The following PPFIA2 variants were observed in gnomAD, a reference collection of about 807,000 sequenced individuals.
The protein encoded by PPFIA2 is liprin-alpha-2.
In PPFIA2, 46 loss-of-function variants were observed where a neutral mutation model predicts 175.5. The ratio of observed to expected loss-of-function variants is 0.26; its 90% CI spans 0.21 to 0.34. The LOEUF (loss-of-function observed/expected upper bound fraction) is 0.34, where lower values mean the gene tolerates loss of function less well. Among genes scored for constraint, PPFIA2 ranks in the 10% least tolerant of loss-of-function variants. The pLI is 1.00. For missense variants in PPFIA2, 1,179 were observed against 1,506.1 expected, an observed-to-expected ratio of 0.78 and a Z score of 3.60; for synonymous variants, 568 against 511.4, an observed-to-expected ratio of 1.11 and a Z score of -1.49.
In PPFIA2 at chr12:81,374,623, T is replaced by A. The variant is rs762143403; in HGVS notation, c.1266+11A>T. ...ATATATCTAGGTTGACCAGTTGTTC[T>A]AGTGCAGTACCTTGGTTAGGGCTGC... is the stretch of plus-strand genomic sequence containing the variant. On this transcript the variant is annotated intron_variant, in intron 11 of 32. Coordinates refer to ENST00000549396, the MANE Select transcript of PPFIA2 (RefSeq NM_003625.5). 6.2e-7 allele frequency: 1 copy of A among 1,601,334 alleles called. No individual in the cohort carries two copies. Among genetic ancestry groups the A allele is most frequent in the East Asian group, 2.2e-5 (1 of 44,722 alleles).
chr12:81,401,169 CA>C (rs1252203834), intron 8 of PPFIA2, among the ~76,000 whole-genome samples: 2 of 152,058 alleles, frequency 1.3e-5, no homozygotes, highest in African/African-American at 4.8e-5. Context: ...GTCTTATCAT[CA>C]TTATATTCCT....
chr12:81,537,310 C>T (rs947465592), intron 4 of PPFIA2, among the ~76,000 whole-genome samples: 1 of 151,714 alleles, frequency 6.6e-6, no homozygotes, highest in Non-Finnish European at 1.5e-5. Flanking sequence ...TCCCCACTGG[C>T]AATGGAGACA....
At position 81,758,504 on chromosome 12, in the gene PPFIA2, T is replaced by C. The variant is rs2153672037; in HGVS notation, c.-107A>G. The stretch of plus-strand genomic sequence containing the variant: ...CTCACACCCAGCACTCCTGGACCAT[T>C]TCCCTAGCAACGGGAGGAGAAAGGC... On this transcript the variant is annotated 5_prime_UTR_variant, in exon 2 of 33. Transcript: ENST00000549396. 2.2e-6 allele frequency: 1 copy of C among 450,142 alleles called. No individual in the cohort carries two copies. Among genetic ancestry groups the C allele is most frequent in the African/African-American group, 2.0e-5 (1 of 50,050 alleles). 27.9% of individuals were successfully genotyped at this position (450,142 alleles called of 1,614,324 possible). A position where few individuals can be genotyped will look rare whatever the true frequency, so the allele number is the denominator to read the frequency against.
chr12:81,360,247 C>A (rs563141443), intron 15 of PPFIA2, among the ~76,000 whole-genome samples: 1 of 151,872 alleles, frequency 6.6e-6, no homozygotes, highest in South Asian at 2.1e-4. Context: ...ATTTTTAAAT[C>A]ATTCTAGGTG....
chr12:81,376,002 T>C (rs1007974619), intron 9 of PPFIA2, 60 bp from the exon 10 acceptor site: 109 of 1,418,776 alleles, frequency 7.7e-5, no homozygotes, highest in Non-Finnish European at 1.1e-4. Context: ...AATTATTGTC[T>C]TGTTAGTTAA....
At chr12:81,746,074 A>T (rs931442354) in intron 3 of PPFIA2, among the ~76,000 whole-genome samples, 4 of 144,698 alleles carry the variant, frequency 2.8e-5, no homozygotes, top group African/African-American at 7.3e-5. Flanking sequence ...CCTGCAAATA[A>T]AGTCTTGTGC....
chr12:81,332,343 G>A (rs1036888005), intron 21 of PPFIA2, among the ~76,000 whole-genome samples: 4 of 151,938 alleles, frequency 2.6e-5, no homozygotes, highest in South Asian at 4.2e-4. Flanking sequence ...CACAGAAAAC[G>A]CCATTTCCAT....
chr12:81,480,038 G>T (rs1053440369), intron 4 of PPFIA2, among the ~76,000 whole-genome samples: 1 of 152,070 alleles, frequency 6.6e-6, no homozygotes, highest in Non-Finnish European at 1.5e-5. Context: ...TCACTTTCAG[G>T]TACACCAATC....
In PPFIA2 at chr12:81,637,347, G is replaced by A. The variant is rs560458411; in HGVS notation, c.303+39444C>T. Among the ~76,000 whole-genome samples, 93 of 136,312 alleles carry A rather than the reference G, an allele frequency of 6.8e-4. 1 individual carries two copies. The highest frequency in any genetic ancestry group is 1.0e-3 in the Non-Finnish European group (67 of 65,204). 89.4% of individuals were successfully genotyped at this position (136,312 alleles called of 152,430 possible). The stretch of plus-strand genomic sequence containing the variant: ...CCGAACTCCCAACCTCAGGTGTTCC[G>A]CCCGCCTCGGCCTCCCAAACTGCTG... On this transcript the variant is annotated intron_variant, in intron 4 of 32. Transcript: ENST00000549396.
At chr12:81,297,472 AAAGAAGGGG>A (rs1040432209) in intron 23 of PPFIA2, among the ~76,000 whole-genome samples, 1 of 152,202 alleles carries the variant, frequency 6.6e-6, no homozygotes, top group Non-Finnish European at 1.5e-5. Context: ...AGATAAGAGA[AAAGAAGGGG>A]AAGATCTAAG....
intron 4 of PPFIA2, among the ~76,000 whole-genome samples, chr12:81,601,181 T>C (rs2059754085): frequency 6.6e-6 from 1 of 151,996 alleles, no homozygotes; most frequent in Non-Finnish European, 1.5e-5. Flanking sequence ...ATAGTACTAC[T>C]AATATATAAT....
At chr12:81,734,798 A>T (rs1231476475) in intron 3 of PPFIA2, among the ~76,000 whole-genome samples, 5 of 151,822 alleles carry the variant, frequency 3.3e-5, no homozygotes, top group Non-Finnish European at 7.4e-5. Context: ...AAGTCTCCCA[A>T]AAAGATCCCT....
chr12:81,479,135 C>T (rs1189884255), intron 4 of PPFIA2, among the ~76,000 whole-genome samples: 1 of 152,080 alleles, frequency 6.6e-6, no homozygotes, highest in Non-Finnish European at 1.5e-5. Context: ...GGATAGTTAG[C>T]TCTACTTGTT....
At chr12:81,569,183 T>G (rs2071972440) in intron 4 of PPFIA2, among the ~76,000 whole-genome samples, 1 of 152,140 alleles carries the variant, frequency 6.6e-6, no homozygotes, top group African/African-American at 2.4e-5. Flanking sequence ...TTTCTATGTG[T>G]TCATATTTCA....
chr12:81,722,362 G>A (rs1017965677), intron 3 of PPFIA2, among the ~76,000 whole-genome samples: 1 of 151,054 alleles, frequency 6.6e-6, no homozygotes, highest in Non-Finnish European at 1.5e-5. Context: ...TTCTCTAAAT[G>A]AGATTTACTG....
intron 4 of PPFIA2, among the ~76,000 whole-genome samples, chr12:81,540,731 A>G (rs1344175627): frequency 6.6e-6 from 1 of 152,066 alleles, no homozygotes; most frequent in Non-Finnish European, 1.5e-5. Context: ...ATAATTAAGT[A>G]TCTATACTCA....
intron 7 of PPFIA2, among the ~76,000 whole-genome samples, chr12:81,420,855 G>A (rs977134795): frequency 4.6e-5 from 7 of 151,558 alleles, no homozygotes; most frequent in African/African-American, 1.7e-4. Context: ...CCAAAACACT[G>A]CACCGAGACA....
At chr12:81,293,258 A>G (rs888741341) in intron 24 of PPFIA2, among the ~76,000 whole-genome samples, 1 of 151,668 alleles carries the variant, frequency 6.6e-6, no homozygotes, top group African/African-American at 2.4e-5. Context: ...TGGAATAAAC[A>G]AATAATTAAA....
chr12:81,342,304 G>C (rs111868921), intron 19 of PPFIA2, among the ~76,000 whole-genome samples: 3 of 152,148 alleles, frequency 2.0e-5, no homozygotes, highest in South Asian at 2.1e-4. Context: ...GGAGAGATCA[G>C]GATTGTAGAA....
Sources: gnomAD v4.1 joint callset for allele counts (sites outside exome capture counted in the v4.1 genomes callset) on GRCh38, gnomAD v4.1.1 for gene constraint, MANE v1.5 for transcripts, NCBI Gene and HGNC (gene_info 2026-07-23, HGNC 2026-07-21) for gene names.